The following NABP1 variants were observed in gnomAD, a reference collection of about 807,000 sequenced individuals.
The protein encoded by NABP1 is SOSS complex subunit B2.
NABP1 carries 18 observed loss-of-function variants against 25.0 expected under a neutral mutation model. The ratio of observed to expected loss-of-function variants is 0.72; its 90% CI spans 0.50 to 1.07. The LOEUF (loss-of-function observed/expected upper bound fraction) is 1.07. Ranked by LOEUF, NABP1 falls within the 50% of genes least tolerant of loss-of-function variation. The probability of loss-of-function intolerance (pLI) is 0.00; values close to 1 mark genes in which losing one functional copy is unlikely to be tolerated. For missense variants in NABP1, 270 were observed against 255.6 expected, an observed-to-expected ratio of 1.06 and a Z score of -0.39; for synonymous variants, 71 against 85.0, an observed-to-expected ratio of 0.84 and a Z score of 0.91.
In NABP1 at chr2:191,678,465, CG is replaced by C. The variant is rs1380092694; in HGVS notation, c.-148del. On this transcript the variant is annotated 5_prime_UTR_variant, in exon 1 of 6. Transcript: ENST00000425611. ...TCAGTGCTGTCCGGGCTGGTTTGCC[CG>C]GTCCCTGACTAACGGCTTTCTGCCC... The C allele has an allele frequency of 4.1e-6, 2 of 491,192 alleles. No homozygotes were observed. The highest frequency in any genetic ancestry group is 4.3e-5 in the African/African-American group (2 of 46,850). The allele number at this position is 491,192 out of a possible 1,614,324, so 30.4% of individuals were successfully genotyped here.
chr2:191,685,632 A>T lies in NABP1; in HGVS notation c.479A>T (p.Glu160Val). Residue 160 changes from glutamate (E) to valine (V), a missense_variant, in exon 6 of 6, where the codon GAA becomes GTA. Physicochemically the swap from Glu to Val is moderately radical, Grantham distance 121. Transcript: ENST00000425611. ...NGVHTGPESREHQFSHAGRSN... is the reference protein window; with the variant it reads ...NGVHTGPESRVHQFSHAGRSN... ...GTTCACACTGGCCCTGAATCAAGGG[A>T]ACACCAGTTTTCACATGCTGGCAGA... 7 of 1,613,812 alleles carry T rather than the reference A, an allele frequency of 4.3e-6. No individual in the cohort carries two copies. The highest frequency in any genetic ancestry group is 5.9e-6 in the Non-Finnish European group (7 of 1,179,832).
chr2:191,682,586 G>A (rs1187302031), intron 3 of NABP1: 1 of 471,100 alleles, frequency 2.1e-6, no homozygotes. Flanking sequence ...ATCCTCTCTA[G>A]GGGTGTAAGG....
chr2:191,678,869 G>A, intron 1 of NABP1, 121 bp from the exon 2 acceptor site: 1 of 1,462,360 alleles, frequency 6.8e-7, no homozygotes, highest in South Asian at 1.2e-5. Flanking sequence ...CCTGAGGCGG[G>A]AGCCCTGGGC....
At chr2:191,682,532 CACT>C (rs1558986600) in intron 3 of NABP1, 1 of 471,116 alleles carries the variant, frequency 2.1e-6, no homozygotes, top group Non-Finnish European at 4.4e-6. Context: ...AGATTCCATA[CACT>C]ACTACCCTGG....
intron 2 of NABP1, among the ~76,000 whole-genome samples, chr2:191,680,107 C>T (rs534619634): frequency 2.6e-5 from 4 of 151,948 alleles, no homozygotes; most frequent in Non-Finnish European, 4.4e-5. Context: ...TTAAAAAATA[C>T]TAGAACTTTT....
chr2:191,686,815 A>G lies in NABP1; in HGVS notation c.*1047A>G, dbSNP rs1304567614. 6.6e-6 allele frequency: 1 copy of G among 152,670 alleles called. No homozygotes were observed. The highest frequency in any genetic ancestry group is 1.5e-5 in the Non-Finnish European group (1 of 68,032). The allele number at this position is 152,670 out of a possible 1,614,324, so 9.5% of individuals were successfully genotyped here. Reference sequence around the variant, plus strand: ...TTGCAGCTTTATTCAGAAATATAAAAGTGGAATTTATGTACATGTCATAAG... The same window carrying G: ...TTGCAGCTTTATTCAGAAATATAAAGGTGGAATTTATGTACATGTCATAAG... On this transcript the variant is annotated 3_prime_UTR_variant, in exon 6 of 6. Coordinates refer to ENST00000425611, the MANE Select transcript of NABP1 (RefSeq NM_001031716.5).
chr2:191,682,115 G>T (rs2105643693), intron 3 of NABP1, 98 bp downstream of exon 3: 1 of 663,854 alleles, frequency 1.5e-6, no homozygotes, highest in South Asian at 3.1e-5. Context: ...TGGCTTTTTT[G>T]ACTAGTAAAC....
Position 191,683,669 on chromosome 2 carries a change from A to G in NABP1, c.303-60A>G. The G allele has an allele frequency of 1.6e-6, 2 of 1,233,140 alleles. No homozygotes were observed. The highest frequency in any genetic ancestry group is 2.3e-6 in the Non-Finnish European group (2 of 852,584). The allele number at this position is 1,233,140 out of a possible 1,614,324, so 76.4% of individuals were successfully genotyped here. On this transcript the variant is annotated intron_variant, in intron 3 of 5. Transcript: ENST00000425611. This position sits in a 1 kb window ranked among gnomAD's most constrained non-coding sequence, Gnocchi z 4.1. ...TTCCTAAAAGTTAGAGATGTTACAT[A>G]AAGAAGGGTTGAGGACTTTATTTCA...
intron 5 of NABP1, among the ~76,000 whole-genome samples, chr2:191,684,725 A>G (rs1356858212): frequency 6.6e-6 from 1 of 152,212 alleles, no homozygotes; most frequent in Non-Finnish European, 1.5e-5. Flanking sequence ...GTCATTTAAC[A>G]TGACCCCCAG....
chr2:191,682,651 C>A, intron 3 of NABP1: 1 of 455,218 alleles, frequency 2.2e-6, no homozygotes, highest in Non-Finnish European at 4.6e-6. Context: ...AAGTATGGTA[C>A]AGGCAATGAG....
At chr2:191,680,646 T>C (rs922030333) in intron 2 of NABP1, among the ~76,000 whole-genome samples, 1 of 152,168 alleles carries the variant, frequency 6.6e-6, no homozygotes, top group African/African-American at 2.4e-5. Flanking sequence ...GTCATAGGTG[T>C]TTCCATCAAA....
In NABP1 at chr2:191,683,743, A is replaced by T; in HGVS notation, c.317A>T (p.Tyr106Phe). The T allele has an allele frequency of 6.2e-7, 1 of 1,610,946 alleles. No individual in the cohort carries two copies. The highest frequency in any genetic ancestry group is 1.1e-5 in the South Asian group (1 of 90,120). Residue 106 changes from tyrosine to phenylalanine, a missense_variant, in exon 4 of 6, where the codon TAT (tyrosine) becomes TTT (phenylalanine). By Grantham distance (22) the Tyr-to-Phe change is conservative. Coordinates refer to ENST00000425611, the MANE Select transcript of NABP1 (RefSeq NM_001031716.5). This position sits in a 1 kb window ranked among gnomAD's most constrained non-coding sequence, Gnocchi z 4.1. ...LQKIGEFCMV[Y>F]SEVPNFSEPN... ...TTTTCTTTCAGATTTTGTATGGTTT[A>T]TTCAGAAGTGCCAAATTTCAGTGAA... is the stretch of plus-strand genomic sequence containing the variant.
intron 5 of NABP1, among the ~76,000 whole-genome samples, chr2:191,684,516 A>G (rs537961868): frequency 2.0e-5 from 3 of 151,188 alleles, no homozygotes; most frequent in African/African-American, 7.4e-5. Context: ...AAGAGATACC[A>G]TGCTATTTTT....
Position 191,683,614 on chromosome 2 carries a change from T to C in NABP1, c.303-115T>C. The stretch of plus-strand genomic sequence containing the variant: ...TGTTGTAAATGAAGAGTTAGTTTGT[T>C]GCTATTAATTTGTTTGACACATAAG... On this transcript the variant is annotated intron_variant, in intron 3 of 5. Coordinates refer to ENST00000425611, the MANE Select transcript of NABP1 (RefSeq NM_001031716.5). This position sits in a 1 kb window ranked among gnomAD's most constrained non-coding sequence, Gnocchi z 4.1. The C allele has an allele frequency of 1.4e-6, 1 of 702,014 alleles. No individual in the cohort carries two copies. The highest frequency in any genetic ancestry group is 1.7e-5 in the South Asian group (1 of 57,786). The allele number at this position is 702,014 out of a possible 1,614,324, so 43.5% of individuals were successfully genotyped here.
intron 5 of NABP1, 80 bp from the exon 6 acceptor site, chr2:191,685,519 T>C: frequency 8.2e-7 from 1 of 1,224,936 alleles, no homozygotes; most frequent in East Asian, 2.6e-5. Context: ...TAAGCATTAA[T>C]AACATGTTGG....
intron 2 of NABP1, 33 bp downstream of exon 2, chr2:191,679,161 G>C (rs1687597407): frequency 6.2e-7 from 1 of 1,613,340 alleles, no homozygotes; most frequent in Non-Finnish European, 8.5e-7. Flanking sequence ...GGACCTAACA[G>C]TCTGCAGAAT....
rs977631751 is a variant in NABP1, at chr2:191,683,194, T to TA, written c.303-534dup. 1 of 165,174 alleles carries TA rather than the reference T, an allele frequency of 6.1e-6. No individual in the cohort carries two copies. The highest frequency in any genetic ancestry group is 2.4e-5 in the African/African-American group (1 of 41,538). 10.2% of individuals were successfully genotyped at this position (165,174 alleles called of 1,614,324 possible). A position where few individuals can be genotyped will look rare whatever the true frequency, so the allele number is the denominator to read the frequency against. On this transcript the variant is annotated intron_variant, in intron 3 of 5. Coordinates refer to ENST00000425611, the MANE Select transcript of NABP1 (RefSeq NM_001031716.5). This position sits in a 1 kb window ranked among gnomAD's most constrained non-coding sequence, Gnocchi z 4.1. The stretch of plus-strand genomic sequence containing the variant: ...GTTAGTACACATTATATGGTCAACT[T>TA]ACAGGAAGCACTTGGATAAACTGGT...
chr2:191,678,965 C>T (rs1486215832), intron 1 of NABP1, 25 bp from the exon 2 acceptor site: 2 of 1,614,110 alleles, frequency 1.2e-6, no homozygotes, highest in Non-Finnish European at 1.7e-6. Context: ...AACAACCCCT[C>T]CCTTTGATTT....
chr2:191,678,851 G>A, intron 1 of NABP1, 139 bp from the exon 2 acceptor site: 1 of 1,308,018 alleles, frequency 7.6e-7, no homozygotes, highest in Non-Finnish European at 1.1e-6. Context: ...GCCCGAGATC[G>A]GATCCTACCT....
Sources: gnomAD v4.1 joint callset for allele counts (sites outside exome capture counted in the v4.1 genomes callset) on GRCh38, gnomAD v4.1.1 for gene constraint, Gnocchi (gnomAD v3.1) non-coding constraint, MANE v1.5 for transcripts, NCBI Gene and HGNC (gene_info 2026-07-23, HGNC 2026-07-21) for gene names.